Variants in INPP4B observed in about 807,000 individuals in gnomAD.
The protein encoded by INPP4B is inositol polyphosphate 4-phosphatase type II.
INPP4B carries 55 observed loss-of-function variants against 122.5 expected under a neutral mutation model. The observed-to-expected ratio is 0.45, with a 90% CI of 0.36 to 0.56. The LOEUF (loss-of-function observed/expected upper bound fraction) is 0.56. INPP4B is among the 20% of genes least tolerant of loss of function. The probability of loss-of-function intolerance (pLI) is 0.00; values close to 1 mark genes in which losing one functional copy is unlikely to be tolerated. For synonymous variants in INPP4B, 403 were observed against 388.7 expected (o/e 1.04, Z -0.43); for missense variants, 1,000 against 1,097.7 (o/e 0.91, Z 1.26).
intron 2 of INPP4B, among the ~76,000 whole-genome samples, chr4:142,723,796 C>T (rs1764999326): frequency 6.6e-6 from 1 of 152,034 alleles, no homozygotes; most frequent in South Asian, 2.1e-4. Context: ...GCACATATTC[C>T]ATCTGAGATA....
intron 2 of INPP4B, among the ~76,000 whole-genome samples, chr4:142,627,666 T>G (rs1363283233): frequency 6.7e-6 from 1 of 149,744 alleles, no homozygotes; most frequent in Non-Finnish European, 1.5e-5. Context: ...AGTATTTTAT[T>G]GAGGATTTTT....
intron 2 of INPP4B, among the ~76,000 whole-genome samples, chr4:142,617,596 T>C (rs906126375): frequency 2.0e-5 from 3 of 151,930 alleles, no homozygotes; most frequent in Non-Finnish European, 4.4e-5. Flanking sequence ...GCGCTGCCAT[T>C]AATTTCATAA....
chr4:142,157,471 G>T (rs1817845349), intron 17 of INPP4B, among the ~76,000 whole-genome samples: 1 of 152,164 alleles, frequency 6.6e-6, no homozygotes, highest in Admixed American at 6.6e-5. Context: ...GATTTTTCTT[G>T]TAATTATGGT....
At chr4:142,826,912 AC>A (rs778963768) in intron 1 of INPP4B, among the ~76,000 whole-genome samples, 5 of 152,182 alleles carry the variant, frequency 3.3e-5, no homozygotes, top group African/African-American at 4.8e-5. Context: ...CTGTGTAGCT[AC>A]TGAAATTTGC....
chr4:142,717,622 G>A (rs907424609), intron 2 of INPP4B, among the ~76,000 whole-genome samples: 2 of 152,018 alleles, frequency 1.3e-5, no homozygotes, highest in African/African-American at 4.8e-5. Flanking sequence ...CCATCATTCT[G>A]AGCAAACTAT....
chr4:142,763,275 A>G (rs1042673820), intron 1 of INPP4B, among the ~76,000 whole-genome samples: 1 of 152,194 alleles, frequency 6.6e-6, no homozygotes, highest in African/African-American at 2.4e-5. Context: ...TCTCTCTCCA[A>G]GTATGCTAAC....
intron 25 of INPP4B, chr4:142,030,157 G>A: frequency 6.5e-7 from 1 of 1,535,384 alleles, no homozygotes. Context: ...AGTAACGCCA[G>A]ACTTAAAATA....
intron 1 of INPP4B, among the ~76,000 whole-genome samples, chr4:142,802,805 G>T (rs1047738625): frequency 1.1e-4 from 17 of 151,080 alleles, no homozygotes; most frequent in African/African-American, 4.1e-4. Context: ...TTTAAAAGTG[G>T]TATTGACTAT....
At chr4:142,518,525 T>C (rs1299876343) in intron 2 of INPP4B, among the ~76,000 whole-genome samples, 1 of 152,116 alleles carries the variant, frequency 6.6e-6, no homozygotes, top group East Asian at 1.9e-4. Flanking sequence ...CTAAGGTGAC[T>C]TCCTCTAATG....
chr4:142,494,967 C>T (rs1298749649), intron 2 of INPP4B, among the ~76,000 whole-genome samples: 1 of 152,128 alleles, frequency 6.6e-6, no homozygotes, highest in Non-Finnish European at 1.5e-5. Context: ...TGCCCAACAA[C>T]TGTAGGCAGT....
At chr4:142,305,714 T>A in intron 8 of INPP4B, 177 bp from the exon 9 acceptor site, 2 of 1,435,550 alleles carry the variant, frequency 1.4e-6, no homozygotes, top group Non-Finnish European at 1.8e-6. Flanking sequence ...TGGGGTAGGA[T>A]TAAAGGGTGA....
chr4:142,300,869 G>A (rs557821614), intron 9 of INPP4B, among the ~76,000 whole-genome samples: 2 of 152,190 alleles, frequency 1.3e-5, no homozygotes, highest in African/African-American at 4.8e-5. Flanking sequence ...CCCTTCGTAT[G>A]AATAAATACT....
chr4:142,556,706 TA>T (rs1729267681), intron 2 of INPP4B, among the ~76,000 whole-genome samples: 2 of 139,732 alleles, frequency 1.4e-5, no homozygotes, highest in East Asian at 1.0e-3. Context: ...ATGTGTTATT[TA>T]GGAAAAAAAA....
chr4:142,424,317 A>G (rs1041093547), intron 5 of INPP4B, among the ~76,000 whole-genome samples: 1 of 152,154 alleles, frequency 6.6e-6, no homozygotes. Context: ...AAAGGCAAGA[A>G]GTAGAATTTT....
chr4:142,192,267 C>A (rs1265277334), intron 15 of INPP4B, among the ~76,000 whole-genome samples: 1 of 135,894 alleles, frequency 7.4e-6, no homozygotes, highest in African/African-American at 2.8e-5. Flanking sequence ...CTGTAACATG[C>A]AATTCACCAT....
intron 2 of INPP4B, among the ~76,000 whole-genome samples, chr4:142,678,288 C>T (rs1758107049): frequency 6.6e-6 from 1 of 151,818 alleles, no homozygotes; most frequent in Non-Finnish European, 1.5e-5. Context: ...TGGTTCCTGC[C>T]AGTTAACAAA....
Position 142,549,969 on chromosome 4 carries a change from G to T in INPP4B, c.-190-87243C>A, listed in dbSNP as rs150482889. 5.1e-3 allele frequency among the ~76,000 whole-genome samples: 771 copies of T among 152,264 alleles called. 3 individuals carry two copies. Among genetic ancestry groups the T allele is most frequent in the Admixed American group, 7.5e-3 (115 of 15,290 alleles). Reference sequence around the variant, plus strand: ...TAGCCTCGTGTATTAGGAGGAGGGGGAAATGGCATTTTAAAAGCCAGGTGC... The same window carrying T: ...TAGCCTCGTGTATTAGGAGGAGGGGTAAATGGCATTTTAAAAGCCAGGTGC... On this transcript the variant is annotated intron_variant, in intron 2 of 25. Transcript: ENST00000262992.
chr4:142,214,146 G>A (rs894248004), intron 12 of INPP4B, among the ~76,000 whole-genome samples: 13 of 152,232 alleles, frequency 8.5e-5, no homozygotes, highest in African/African-American at 3.1e-4. Context: ...GAGTCCCTTT[G>A]TGTCCCATCA....
intron 18 of INPP4B, among the ~76,000 whole-genome samples, chr4:142,135,714 T>C (rs1803752450): frequency 6.6e-6 from 1 of 152,214 alleles, no homozygotes; most frequent in African/African-American, 2.4e-5. Flanking sequence ...CAAAAAGCAG[T>C]AAATGAGATT....
Sources: allele counts gnomAD v4.1 joint callset (sites outside exome capture counted in the v4.1 genomes callset), GRCh38; gene constraint gnomAD v4.1.1; transcripts MANE v1.5; gene names NCBI Gene and HGNC (gene_info 2026-07-23, HGNC 2026-07-21).